AMMECR1: variants seen among roughly 807,000 people sequenced by gnomAD.
AMMECR1 encodes AMMECR nuclear protein 1, also known as nuclear protein AMMECR1.
AMMECR1 carries 3 observed loss-of-function variants against 22.5 expected under a neutral mutation model. That is an observed-to-expected ratio of 0.13 (90% CI 0.06 to 0.35). AMMECR1 has a LOEUF of 0.35. AMMECR1 is among the 10% of genes least tolerant of loss of function. AMMECR1 has a pLI of 1.00. For synonymous variants in AMMECR1, 130 were observed against 116.7 expected (o/e 1.11, Z -0.74); for missense variants, 235 against 278.7 (o/e 0.84, Z 1.12).
intron 2 of AMMECR1, among the ~76,000 whole-genome samples, chrX:110,351,339 C>T (rs1469749914): frequency 8.9e-6 from 1 of 111,783 alleles, no homozygotes; most frequent in African/African-American, 3.2e-5. Flanking sequence ...TTCCCAATTT[C>T]AAAACTTACT....
chrX:110,400,222 T>G (rs1375294365), intron 2 of AMMECR1, among the ~76,000 whole-genome samples: 1 of 105,612 alleles, frequency 9.5e-6, no homozygotes, highest in African/African-American at 3.5e-5. Flanking sequence ...TGAGTAGATA[T>G]CTTGTATGCC....
intron 1 of AMMECR1, among the ~76,000 whole-genome samples, chrX:110,301,211 A>G (rs1179619512): frequency 8.9e-6 from 1 of 112,579 alleles, no homozygotes; most frequent in Non-Finnish European, 1.9e-5. Flanking sequence ...CCATTGAAGT[A>G]TCTGTTCAGC....
chrX:110,350,904 T>C (rs1323966831), intron 2 of AMMECR1, among the ~76,000 whole-genome samples: 1 of 110,852 alleles, frequency 9.0e-6, no homozygotes, highest in Non-Finnish European at 1.9e-5. Flanking sequence ...GCCTGGCCAG[T>C]TGAGACTGCA....
chrX:110,230,207 G>A (rs1005890959), intron 2 of AMMECR1, among the ~76,000 whole-genome samples: 1 of 112,627 alleles, frequency 8.9e-6, no homozygotes, highest in Non-Finnish European at 1.9e-5. Flanking sequence ...CTCTTCAAGT[G>A]GGTCCCTGAC....
In AMMECR1 at chrX:110,259,749, G is replaced by A. The variant is rs183858660; in HGVS notation, c.584+4740C>T. ...TGGGACTACAGGCACCCGCCACCAC[G>A]CCCGGCTAATTTTTTGTATTTTTAG... On this transcript the variant is annotated intron_variant, in intron 2 of 5. Transcript: ENST00000262844. 7.2e-3 allele frequency among the ~76,000 whole-genome samples: 789 copies of A among 108,876 alleles called. 7 individuals carry two copies. The highest frequency in any genetic ancestry group is 0.026 in the African/African-American group (766 of 29,943). 94.5% of individuals were successfully genotyped at this position (108,876 alleles called of 115,157 possible).
intron 2 of AMMECR1, among the ~76,000 whole-genome samples, chrX:110,377,684 A>G (rs1037020699): frequency 1.8e-5 from 2 of 111,594 alleles, no homozygotes; most frequent in Admixed American, 1.9e-4. Context: ...ACTAGATTGC[A>G]TAAGCCATAC....
chrX:110,307,391 T>C (rs1040245723), intron 1 of AMMECR1, among the ~76,000 whole-genome samples: 1 of 112,145 alleles, frequency 8.9e-6, no homozygotes, highest in East Asian at 2.8e-4. Flanking sequence ...CCTTCTAAGA[T>C]AAAGTACAAA....
chrX:110,212,898 A>T lies in AMMECR1; in HGVS notation c.699+3620T>A, dbSNP rs1054568007. ...AGATAAAGAATGGAAAAAAAATTTT[A>T]AAAAGTCTTAGTATAATATATAAAA... is the stretch of plus-strand genomic sequence containing the variant. On this transcript the variant is annotated intron_variant, in intron 3 of 5. Coordinates refer to ENST00000262844, the MANE Select transcript of AMMECR1 (RefSeq NM_015365.3). Among the ~76,000 whole-genome samples the T allele has an allele frequency of 2.7e-5, 3 of 112,002 alleles. No homozygotes were observed. In the Admixed American group the frequency reaches 2.8e-4, roughly 11 times the overall value.
intron 3 of AMMECR1, among the ~76,000 whole-genome samples, chrX:110,204,262 A>C (rs746349238): frequency 9.0e-6 from 1 of 111,282 alleles, no homozygotes; most frequent in African/African-American, 3.3e-5. Flanking sequence ...AGTAATTTAT[A>C]CTCCATCATC....
At chrX:110,389,374 C>T (rs1289709899) in intron 2 of AMMECR1, among the ~76,000 whole-genome samples, 1 of 112,091 alleles carries the variant, frequency 8.9e-6, no homozygotes. Flanking sequence ...AGGTTGCTTG[C>T]AACAGTGGAA....
intron 1 of AMMECR1, among the ~76,000 whole-genome samples, chrX:110,272,641 T>A (rs1201986377): frequency 3.6e-5 from 4 of 111,885 alleles, no homozygotes; most frequent in Middle Eastern, 4.2e-3. Context: ...GGATAGGTAA[T>A]TTTTCAACTC....
chrX:110,240,688 A>G (rs2067627622), intron 2 of AMMECR1, among the ~76,000 whole-genome samples: 2 of 111,578 alleles, frequency 1.8e-5, no homozygotes, highest in African/African-American at 6.5e-5. Flanking sequence ...ATTAACAGAG[A>G]TATTCAGGAC....
intron 3 of AMMECR1, among the ~76,000 whole-genome samples, chrX:110,206,078 A>C (rs1355666752): frequency 1.8e-5 from 2 of 112,244 alleles, no homozygotes; most frequent in Non-Finnish European, 3.8e-5. Flanking sequence ...TTGATTATCC[A>C]GTTTAGGGAT....
rs760721601 is a variant in AMMECR1 at position 110,311,912 on chromosome X, T to G, written c.473+5687A>C. Among the ~76,000 whole-genome samples the G allele has an allele frequency of 2.7e-5, 3 of 112,410 alleles. No individual in the cohort carries two copies. The South Asian group carries it at 1.1e-3, about 42-fold the overall frequency. ...TGATTGTGGAAAGACAGCTTACACA[T>G]TGAGGGTCCATTCTTGGCAGATGCT... On this transcript the variant is annotated intron_variant, in intron 1 of 5. Coordinates refer to ENST00000262844, the MANE Select transcript of AMMECR1 (RefSeq NM_015365.3).
At chrX:110,384,620 T>C (rs7049345) in intron 2 of AMMECR1, among the ~76,000 whole-genome samples, 12,470 of 110,707 alleles carry the variant, frequency 0.11, 1,241 homozygotes, top group African/African-American at 0.32. Context: ...CTCTATTTGT[T>C]CCTAAGAATC....
chrX:110,299,636 T>C (rs759767963), intron 1 of AMMECR1, among the ~76,000 whole-genome samples: 9 of 112,044 alleles, frequency 8.0e-5, no homozygotes, highest in Non-Finnish European at 1.7e-4. Flanking sequence ...CCATGCTCTA[T>C]ATAAGATCCT....
chrX:110,249,932 C>T (rs2067678760), intron 2 of AMMECR1, among the ~76,000 whole-genome samples: 1 of 109,788 alleles, frequency 9.1e-6, no homozygotes, highest in East Asian at 2.9e-4. Context: ...GAGAGGGAAA[C>T]GGAAAGGGAA....
intron 2 of AMMECR1, among the ~76,000 whole-genome samples, chrX:110,375,540 G>T (rs1308630359): frequency 2.3e-5 from 2 of 87,750 alleles, no homozygotes; most frequent in Non-Finnish European, 4.1e-5. Flanking sequence ...ATGAATAGAT[G>T]AATGAATGAA....
intron 2 of AMMECR1, among the ~76,000 whole-genome samples, chrX:110,342,458 G>A (rs1328173817): frequency 2.7e-5 from 3 of 111,067 alleles, no homozygotes; most frequent in African/African-American, 6.6e-5. Flanking sequence ...TGCACCCTCC[G>A]CCTCCTGGGT....
Sources: gnomAD v4.1 joint callset for allele counts (sites outside exome capture counted in the v4.1 genomes callset) on GRCh38, gnomAD v4.1.1 for gene constraint, MANE v1.5 for transcripts, NCBI Gene and HGNC (gene_info 2026-07-23, HGNC 2026-07-21) for gene names.